CSGALNACT1: variants seen among roughly 807,000 people sequenced by gnomAD.
CSGALNACT1 encodes the protein beta4GalNAcT-1.
CSGALNACT1 carries 52 observed loss-of-function variants against 51.0 expected under a neutral mutation model. The observed-to-expected ratio is 1.02, with a 90% CI of 0.82 to 1.29. The LOEUF (loss-of-function observed/expected upper bound fraction) is 1.29, where lower values mean the gene tolerates loss of function less well. Among genes scored for constraint, CSGALNACT1 ranks in the 50% most tolerant of loss-of-function variants. The pLI is 0.00. For missense variants in CSGALNACT1, 935 were observed against 679.2 expected (o/e 1.38, Z -4.19); for synonymous variants, 341 against 254.4 (o/e 1.34, Z -3.24).
chr8:19,661,302 G>A (rs1040787556), intron 1 of CSGALNACT1, among the ~76,000 whole-genome samples: 3 of 152,150 alleles, frequency 2.0e-5, no homozygotes, highest in African/African-American at 7.2e-5. Context: ...AACTGGGCAG[G>A]GACTCTGCCT....
Position 19,757,319 on chromosome 8 carries a change from G to C in CSGALNACT1, c.-297+531C>G, listed in dbSNP as rs1221012472. 6.6e-6 allele frequency: 1 copy of C among 150,778 alleles called. No homozygotes were observed. The highest frequency in any genetic ancestry group is 2.4e-5 in the African/African-American group (1 of 41,180). The allele number at this position is 150,778 out of a possible 1,614,324, so 9.3% of individuals were successfully genotyped here. A position where few individuals can be genotyped will look rare whatever the true frequency, so the allele number is the denominator to read the frequency against. ...GCCGCGGAGCCTCCAGGGACCCCGG[G>C]GGCGGGGAGCAGCGGCGGCGGCGGC... is the stretch of plus-strand genomic sequence containing the variant. On this transcript the variant is annotated intron_variant, in intron 1 of 1. Transcript: ENST00000517494. This position sits in a 1 kb window ranked among gnomAD's most constrained non-coding sequence, Gnocchi z 4.0.
In CSGALNACT1 at chr8:19,666,760, G is replaced by GAAGA. The variant is rs560533569; in HGVS notation, c.-544+15709_-544+15712dup. Among the ~76,000 whole-genome samples the GAAGA allele has an allele frequency of 6.7e-3, 379 of 56,568 alleles. 6 individuals carry two copies. The highest frequency in any genetic ancestry group is 0.014 in the East Asian group (25 of 1,844). 37.1% of individuals were successfully genotyped at this position (56,568 alleles called of 152,430 possible). A position where few individuals can be genotyped will look rare whatever the true frequency, so the allele number is the denominator to read the frequency against. On this transcript the variant is annotated intron_variant, in intron 1 of 9. Coordinates refer to the CSGALNACT1 transcript ENST00000332246. ...AGAAACACAAGAAACAAGAAAGAAA[G>GAAGA]AAGAAAGAAAGAAAGAAAGAAAGAA...
At chr8:19,409,325 T>C (rs1297537673) in intron 8 of CSGALNACT1, among the ~76,000 whole-genome samples, 5 of 152,196 alleles carry the variant, frequency 3.3e-5, no homozygotes, top group Non-Finnish European at 7.3e-5. Context: ...CCATTCATCT[T>C]CACGCTATTT....
At chr8:19,752,612 C>A (rs1045777732) in intron 1 of CSGALNACT1, among the ~76,000 whole-genome samples, 2 of 152,204 alleles carry the variant, frequency 1.3e-5, no homozygotes, top group Admixed American at 6.5e-5. Flanking sequence ...TAGTATCAAG[C>A]TGCAGTGCTG....
At chr8:19,622,974 G>C (rs1236254470) in intron 1 of CSGALNACT1, among the ~76,000 whole-genome samples, 1 of 152,152 alleles carries the variant, frequency 6.6e-6, no homozygotes, top group African/African-American at 2.4e-5. Flanking sequence ...ATGACGGGTT[G>C]ATAGGTACTG....
intron 1 of CSGALNACT1, among the ~76,000 whole-genome samples, chr8:19,692,978 C>G (rs2061406587): frequency 6.6e-6 from 1 of 152,190 alleles, no homozygotes; most frequent in African/African-American, 2.4e-5. Flanking sequence ...CAGGCTTGCT[C>G]TGCTACCCAG....
chr8:19,678,327 G>A (rs1396778725), intron 1 of CSGALNACT1, among the ~76,000 whole-genome samples: 2 of 152,118 alleles, frequency 1.3e-5, no homozygotes, highest in Non-Finnish European at 2.9e-5. Context: ...TAACAAACAG[G>A]CAAAGTTTTC....
intron 1 of CSGALNACT1, among the ~76,000 whole-genome samples, chr8:19,710,907 G>C (rs1277531900): frequency 2.0e-5 from 3 of 151,738 alleles, no homozygotes; most frequent in Non-Finnish European, 4.4e-5. Context: ...CATCACTACC[G>C]TATGCTCCTC....
chr8:19,637,678 T>G (rs943500429), intron 1 of CSGALNACT1, among the ~76,000 whole-genome samples: 9 of 152,198 alleles, frequency 5.9e-5, no homozygotes, highest in African/African-American at 2.2e-4. Flanking sequence ...ATTATAAAAC[T>G]GAGCCTAAGT....
At chr8:19,623,231 A>G (rs2054048135) in intron 1 of CSGALNACT1, among the ~76,000 whole-genome samples, 1 of 152,230 alleles carries the variant, frequency 6.6e-6, no homozygotes, top group Non-Finnish European at 1.5e-5. Context: ...CTAAAGCTGT[A>G]TGCATATAAT....
intron 1 of CSGALNACT1, among the ~76,000 whole-genome samples, chr8:19,675,414 G>C (rs975588073): frequency 6.6e-6 from 1 of 152,132 alleles, no homozygotes; most frequent in African/African-American, 2.4e-5. Flanking sequence ...AAGAGGAAAA[G>C]GGATTCTTAT....
At chr8:19,594,736 G>C (rs1229711979) in intron 2 of CSGALNACT1, among the ~76,000 whole-genome samples, 2 of 150,350 alleles carry the variant, frequency 1.3e-5, no homozygotes, top group Admixed American at 1.3e-4. Context: ...ATTTTTACTA[G>C]AGACAGGGTT....
At chr8:19,591,934 T>C (rs2047906582) in intron 2 of CSGALNACT1, among the ~76,000 whole-genome samples, 1 of 152,172 alleles carries the variant, frequency 6.6e-6, no homozygotes, top group Admixed American at 6.5e-5. Flanking sequence ...ATTAACACTG[T>C]CAATGAGGAA....
At chr8:19,631,296 C>A (rs1042239147) in intron 1 of CSGALNACT1, among the ~76,000 whole-genome samples, 3 of 152,060 alleles carry the variant, frequency 2.0e-5, no homozygotes, top group African/African-American at 4.8e-5. Flanking sequence ...TCCCAAGTGG[C>A]TATACCATTT....
chr8:19,505,729 G>T, exon 4 of CSGALNACT1: 1 of 1,614,132 alleles, frequency 6.2e-7, no homozygotes, highest in Non-Finnish European at 8.5e-7. Context: ...TCACCTTTTG[G>T]GGTGCAGGCC....
chr8:19,751,915 A>G lies in CSGALNACT1; in HGVS notation c.-297+5935T>C, dbSNP rs183872819. Reference sequence around the variant, plus strand: ...TGAGTCAACTGAACCTCTTTTCTTCATAAATTACCCAGTCTCAGGTAGTTC... The same window carrying G: ...TGAGTCAACTGAACCTCTTTTCTTCGTAAATTACCCAGTCTCAGGTAGTTC... On this transcript the variant is annotated intron_variant, in intron 1 of 1. Transcript: ENST00000517494. Among the ~76,000 whole-genome samples, 9 of 152,154 alleles carry G rather than the reference A, an allele frequency of 5.9e-5. 1 individual carries two copies. The highest frequency in any genetic ancestry group is 9.6e-5 in the African/African-American group (4 of 41,516).
At chr8:19,555,232 C>G (rs1169750099) in intron 3 of CSGALNACT1, among the ~76,000 whole-genome samples, 1 of 151,798 alleles carries the variant, frequency 6.6e-6, no homozygotes, top group South Asian at 2.1e-4. Flanking sequence ...GAGCAAGACT[C>G]TGTTTCAAAA....
At chr8:19,445,910 C>A (rs773181433) in intron 5 of CSGALNACT1, among the ~76,000 whole-genome samples, 5 of 152,188 alleles carry the variant, frequency 3.3e-5, no homozygotes, top group Non-Finnish European at 5.9e-5. Flanking sequence ...CGTGGTGGCT[C>A]ATGCCTATAA....
intron 3 of CSGALNACT1, among the ~76,000 whole-genome samples, chr8:19,563,561 A>C (rs1331452914): frequency 6.6e-6 from 1 of 152,026 alleles, no homozygotes; most frequent in African/African-American, 2.4e-5. Flanking sequence ...TGTCAAAAGA[A>C]CCCATTCTGA....
Sources: allele counts gnomAD v4.1 joint callset (sites outside exome capture counted in the v4.1 genomes callset), GRCh38; gene constraint gnomAD v4.1.1; non-coding constraint Gnocchi (gnomAD v3.1); transcripts MANE v1.5; gene names NCBI Gene and HGNC (gene_info 2026-07-23, HGNC 2026-07-21).